PRSS12: variants seen among roughly 807,000 people sequenced by gnomAD.
PRSS12 encodes serine protease 12, also known as neurotrypsin.
Under a neutral mutation model 104.4 loss-of-function variants are expected in PRSS12, and 85 were observed. That is an observed-to-expected ratio of 0.81 (90% confidence interval 0.68 to 0.98). The LOEUF (loss-of-function observed/expected upper bound fraction) is 0.98, where lower values mean the gene tolerates loss of function less well. PRSS12 is among the 50% of genes least tolerant of loss of function. PRSS12 has a pLI of 0.00. For synonymous variants in PRSS12, 454 were observed against 425.2 expected (o/e 1.07, Z -0.83); for missense variants, 1,141 against 1,139.2 (o/e 1.00, Z -0.02).
At chr4:118,314,126 CT>C (rs1743835497) in intron 6 of PRSS12, among the ~76,000 whole-genome samples, 1 of 151,954 alleles carries the variant, frequency 6.6e-6, no homozygotes, top group Non-Finnish European at 1.5e-5. Context: ...ATTTTATTTC[CT>C]TTTGTTCCAT....
chr4:118,305,118 T>TACAC (rs1204550074), intron 8 of PRSS12, among the ~76,000 whole-genome samples: 3 of 148,176 alleles, frequency 2.0e-5, no homozygotes, highest in East Asian at 1.9e-4. Flanking sequence ...TATATATATA[T>TACAC]ATACACACAC....
At chr4:118,352,183 G>A (rs746232978) in intron 1 of PRSS12, 36 bp downstream of exon 1, 11 of 1,608,558 alleles carry the variant, frequency 6.8e-6, no homozygotes, top group Non-Finnish European at 8.5e-6. Context: ...CTCCGAGCCC[G>A]TCCGGAGTTT....
At chr4:118,333,365 T>C (rs1258808853) in intron 3 of PRSS12, among the ~76,000 whole-genome samples, 1 of 152,208 alleles carries the variant, frequency 6.6e-6, no homozygotes, top group Admixed American at 6.5e-5. Context: ...TATTCACACT[T>C]AAATTCAAAT....
At chr4:118,291,701 G>A (rs1473815849) in intron 11 of PRSS12, among the ~76,000 whole-genome samples, 5 of 152,150 alleles carry the variant, frequency 3.3e-5, no homozygotes, top group Admixed American at 1.3e-4. Flanking sequence ...ACAGTTGCTT[G>A]AGCACAGAAA....
At position 118,316,299 on chromosome 4, in the gene PRSS12, C is replaced by A. The variant is rs759820952; in HGVS notation, c.1175G>T (p.Gly392Val). Residue 392 changes from glycine (G) to valine (V), a missense_variant, in exon 6 of 13, where the codon GGG (glycine) becomes GTG (valine). Coordinates refer to ENST00000296498, the MANE Select transcript of PRSS12 (RefSeq NM_003619.4). The part of the protein sequence containing the change: ...LTDGVIRLAG[G>V]KGSHEGRLEV... ...CAAGCGACCCTCATGGCTGCCTTTC[C>A]CACCTGCAAGTCTGATGACCCCATC... 2.5e-6 allele frequency: 4 copies of A among 1,614,034 alleles called. No homozygotes were observed. The Admixed American group carries it at 6.7e-5, about 27-fold the overall frequency.
rs749640291 is a variant in PRSS12 at position 118,282,815 on chromosome 4, T to C, written c.2320+16A>G. The stretch of plus-strand genomic sequence containing the variant: ...AGACACAAAAAGGTGCCCTGCTTTT[T>C]TTGATTATGCCTTACCTGTGTCACC... On this transcript the variant is annotated intron_variant, in intron 12 of 12. Transcript: ENST00000296498. The C allele has an allele frequency of 8.7e-6, 14 of 1,614,030 alleles. No homozygotes were observed. In the South Asian group the frequency reaches 1.2e-4, roughly 14 times the overall value.
chr4:118,318,897 G>A (rs1432843763), intron 4 of PRSS12, among the ~76,000 whole-genome samples: 3 of 151,988 alleles, frequency 2.0e-5, no homozygotes, highest in Non-Finnish European at 4.4e-5. Context: ...TTTGTTTGTG[G>A]TAAAATAAAC....
chr4:118,352,087 T>A (rs1201673877), intron 1 of PRSS12, 132 bp downstream of exon 1: 3 of 1,331,308 alleles, frequency 2.3e-6, no homozygotes, highest in Non-Finnish European at 2.0e-6. Context: ...CAGCCCACCA[T>A]CACAGCCCGC....
At chr4:118,282,364 A>C in intron 12 of PRSS12, 121 bp from the exon 13 acceptor site, 5 of 1,290,954 alleles carry the variant, frequency 3.9e-6, no homozygotes, top group African/African-American at 1.5e-5. Context: ...GTAGTTTAAA[A>C]TGAGCAATGA....
intron 8 of PRSS12, among the ~76,000 whole-genome samples, chr4:118,301,267 A>G (rs1743400483): frequency 1.3e-5 from 2 of 152,204 alleles, no homozygotes; most frequent in Non-Finnish European, 2.9e-5. Flanking sequence ...TTTATAGTTC[A>G]GTAATTCACA....
chr4:118,316,485 T>C (rs1191089184), intron 5 of PRSS12, among the ~76,000 whole-genome samples, 162 bp from the exon 6 acceptor site: 4 of 152,190 alleles, frequency 2.6e-5, no homozygotes, highest in Non-Finnish European at 5.9e-5. Flanking sequence ...GAGGTTATCA[T>C]GTTGTTTCTG....
intron 8 of PRSS12, among the ~76,000 whole-genome samples, chr4:118,301,030 AT>A (rs1743394303): frequency 6.6e-6 from 1 of 151,444 alleles, no homozygotes; most frequent in Non-Finnish European, 1.5e-5. Flanking sequence ...ACTTTTTTCT[AT>A]TTTTTAATCA....
intron 7 of PRSS12, among the ~76,000 whole-genome samples, chr4:118,312,682 G>A (rs1480349348): frequency 6.6e-6 from 1 of 152,086 alleles, no homozygotes; most frequent in African/African-American, 2.4e-5. Flanking sequence ...AGAAAGATGG[G>A]TGAGCTATTA....
intron 3 of PRSS12, 137 bp from the exon 4 acceptor site, chr4:118,332,003 G>GTATA: frequency 1.0e-5 from 10 of 1,003,856 alleles, no homozygotes; most frequent in Non-Finnish European, 1.5e-5. Context: ...ATGGACATAC[G>GTATA]TATATATATC....
chr4:118,324,664 T>C (rs1028542299), intron 4 of PRSS12, among the ~76,000 whole-genome samples: 1 of 152,206 alleles, frequency 6.6e-6, no homozygotes, highest in South Asian at 2.1e-4. Flanking sequence ...TTTTAAATCC[T>C]CTCTGAAAAC....
intron 8 of PRSS12, among the ~76,000 whole-genome samples, chr4:118,299,322 T>C (rs570043474): frequency 9.5e-4 from 144 of 152,272 alleles, no homozygotes; most frequent in Admixed American, 3.3e-3. Flanking sequence ...AAGAAAACAA[T>C]GAGATTAAAT....
Position 118,352,974 on chromosome 4 carries a change from G to A in PRSS12, c.-254C>T, listed in dbSNP as rs1056296635. The A allele has an allele frequency of 1.0e-5, 10 of 981,462 alleles. No individual in the cohort carries two copies. Among genetic ancestry groups the A allele is most frequent in the African/African-American group, 7.0e-5 (4 of 56,812 alleles). 60.8% of individuals were successfully genotyped at this position (981,462 alleles called of 1,614,324 possible). On this transcript the variant is annotated 5_prime_UTR_variant, in exon 1 of 13. Coordinates refer to ENST00000296498, the MANE Select transcript of PRSS12 (RefSeq NM_003619.4). ...TCAGCCGAGCCCCGGCCGGCGGAGA[G>A]GACCGGAAAAGAGAAGGCGCGGACG...
chr4:118,339,082 A>T (rs1364628688), intron 1 of PRSS12, among the ~76,000 whole-genome samples: 1 of 152,134 alleles, frequency 6.6e-6, no homozygotes, highest in East Asian at 1.9e-4. Flanking sequence ...CCAAGATTTA[A>T]ATTCAAGCAC....
At chr4:118,320,569 G>A (rs1427934677) in intron 4 of PRSS12, among the ~76,000 whole-genome samples, 1 of 151,992 alleles carries the variant, frequency 6.6e-6, no homozygotes, top group Admixed American at 6.6e-5. Context: ...CTGGGCAACA[G>A]GGCAAAACCC....
Sources: allele counts gnomAD v4.1 joint callset (sites outside exome capture counted in the v4.1 genomes callset), GRCh38; gene constraint gnomAD v4.1.1; transcripts MANE v1.5; gene names NCBI Gene and HGNC (gene_info 2026-07-23, HGNC 2026-07-21).